TMEM120B: variants seen among roughly 807,000 people sequenced by gnomAD.
TMEM120B encodes transmembrane protein 120B.
In TMEM120B, 31 loss-of-function variants were observed where a neutral mutation model predicts 55.5. That is an observed-to-expected ratio of 0.56 (90% CI 0.42 to 0.75). The LOEUF is 0.75. TMEM120B is among the 30% of genes least tolerant of loss of function. TMEM120B has a pLI of 0.00. For missense variants in TMEM120B, 399 were observed against 425.5 expected (o/e 0.94, Z 0.55); for synonymous variants, 203 against 176.3 (o/e 1.15, Z -1.20).
intron 6 of TMEM120B, among the ~76,000 whole-genome samples, chr12:121,769,203 A>G (rs1414147080): frequency 6.6e-6 from 1 of 150,434 alleles, no homozygotes; most frequent in African/African-American, 2.4e-5. Flanking sequence ...GGGAGTGCTG[A>G]GTTCTGGAAA....
Position 121,712,920 on chromosome 12 carries a change from G to C in TMEM120B, c.25G>C (p.Glu9Gln), listed in dbSNP as rs770195718. The C allele has an allele frequency of 7.8e-6, 12 of 1,534,658 alleles. No homozygotes were observed. In the East Asian group the frequency reaches 2.2e-4, roughly 28 times the overall value. Residue 9 changes from glutamate (E) to glutamine (Q), a missense_variant, in exon 1 of 12, where the codon GAG becomes CAG. Physicochemically the swap from Glu to Gln is conservative, Grantham distance 29. Around this residue, in one of 3 missense-constraint regions of TMEM120B, gnomAD observed 6 missense variants for 17.6 expected, o/e 0.34. Coordinates refer to ENST00000449592, the MANE Select transcript of TMEM120B (RefSeq NM_001080825.2). MSGQLERC[E>Q]REWHELEGEF... ...CATGTCCGGGCAGCTGGAGCGTTGCGAGCGCGAATGGCACGAGCTGGAGGG... is the reference window on the plus strand; with the variant it reads ...CATGTCCGGGCAGCTGGAGCGTTGCCAGCGCGAATGGCACGAGCTGGAGGG...
intron 1 of TMEM120B, among the ~76,000 whole-genome samples, chr12:121,726,240 G>T (rs1894888540): frequency 6.6e-6 from 1 of 151,962 alleles, no homozygotes; most frequent in Admixed American, 6.6e-5. Context: ...TTATTAAAAT[G>T]GGTGAATTGT....
At chr12:121,733,679 A>G (rs1895047424) in intron 1 of TMEM120B, among the ~76,000 whole-genome samples, 2 of 151,824 alleles carry the variant, frequency 1.3e-5, no homozygotes, top group African/African-American at 4.8e-5. Context: ...CTGGGATTAC[A>G]GGTGTGCACC....
rs752714309 is a variant in TMEM120B at position 121,775,703 on chromosome 12, G to GC, written c.1002dup (p.Lys335GlnfsTer56). 6.2e-7 allele frequency: 1 copy of GC among 1,613,970 alleles called. No homozygotes were observed. Among genetic ancestry groups the GC allele is most frequent in the East Asian group, 2.2e-5 (1 of 44,874 alleles). ...CATGCCAAGCTCCAGAAGAACAGAGGCAAGACAAAGCAGCCGTGAGCCTCG... is the reference window on the plus strand; with the variant it reads ...CATGCCAAGCTCCAGAAGAACAGAGGCCAAGACAAAGCAGCCGTGAGCCTCG... On this transcript the variant is annotated frameshift_variant, in exon 12 of 12. Coordinates refer to ENST00000449592, the MANE Select transcript of TMEM120B (RefSeq NM_001080825.2). LOFTEE classifies it high-confidence loss of function. This position sits in a 1 kb window ranked among gnomAD's most constrained non-coding sequence, Gnocchi z 4.3.
At chr12:121,722,942 G>A (rs1277119815) in intron 1 of TMEM120B, among the ~76,000 whole-genome samples, 4 of 149,446 alleles carry the variant, frequency 2.7e-5, no homozygotes, top group Non-Finnish European at 4.4e-5. Context: ...TCCGCCTCCC[G>A]GGTTCAAGCA....
chr12:121,747,217 AGTTGAGATGGGGAACTGCG>A (rs1191272508), intron 2 of TMEM120B, among the ~76,000 whole-genome samples: 1 of 152,000 alleles, frequency 6.6e-6, no homozygotes, highest in South Asian at 2.1e-4. Context: ...CAACCCCGAG[AGTTGAGATGGGGAACTGCG>A]GTTGCGAGAG....
At chr12:121,760,355 C>T (rs1302422236) in intron 5 of TMEM120B, among the ~76,000 whole-genome samples, 2 of 150,366 alleles carry the variant, frequency 1.3e-5, no homozygotes, top group African/African-American at 5.0e-5. Context: ...TCTTGGAGGA[C>T]AAGTGTGCGG....
chr12:121,772,079 T>TTCTCTTTCTCTCTCTCTCTCTTTC (rs1300643469), intron 8 of TMEM120B, among the ~76,000 whole-genome samples: 1 of 140,404 alleles, frequency 7.1e-6, no homozygotes, highest in East Asian at 2.0e-4. Flanking sequence ...TTTTCTTTCT[T>TTCTCTTTCTCTCTCTCTCTCTTTC]TCTCTTTCTC....
intron 5 of TMEM120B, chr12:121,758,142 C>T (rs2137259910): frequency 1.0e-6 from 1 of 984,788 alleles, no homozygotes; most frequent in Non-Finnish European, 1.2e-6. Context: ...TTTGTCAGTG[C>T]CTCCTCAGAC....
intron 1 of TMEM120B, among the ~76,000 whole-genome samples, chr12:121,715,505 G>C (rs1259122526): frequency 6.6e-6 from 1 of 152,158 alleles, no homozygotes; most frequent in African/African-American, 2.4e-5. Flanking sequence ...AAGGGATTGG[G>C]AATCAATTCT....
intron 5 of TMEM120B, among the ~76,000 whole-genome samples, chr12:121,754,171 T>G (rs965967064): frequency 6.6e-6 from 1 of 152,272 alleles, no homozygotes; most frequent in African/African-American, 2.4e-5. Context: ...CCTGGGCCCG[T>G]GCTCGCCTGC....
At chr12:121,773,695 A>C (rs75130332) in intron 9 of TMEM120B, among the ~76,000 whole-genome samples, 182 bp downstream of exon 9, 4 of 152,270 alleles carry the variant, frequency 2.6e-5, no homozygotes, top group Non-Finnish European at 5.9e-5. Context: ...GGCCAGCTGC[A>C]TACCAGGCCC....
intron 6 of TMEM120B, among the ~76,000 whole-genome samples, chr12:121,769,798 G>C (rs1873975893): frequency 6.6e-6 from 1 of 152,052 alleles, no homozygotes; most frequent in Non-Finnish European, 1.5e-5. Flanking sequence ...GTCACAGATA[G>C]ACTGGTGAAC....
intron 6 of TMEM120B, among the ~76,000 whole-genome samples, chr12:121,770,622 A>G (rs538783548): frequency 1.3e-5 from 2 of 151,964 alleles, no homozygotes; most frequent in Admixed American, 1.3e-4. Context: ...GGAGGACAGG[A>G]GTGAGGCTTG....
At chr12:121,735,185 C>CAAAA (rs377589219) in intron 1 of TMEM120B, among the ~76,000 whole-genome samples, 4 of 66,874 alleles carry the variant, frequency 6.0e-5, no homozygotes, top group Admixed American at 1.9e-4. Flanking sequence ...GACTCTGTCT[C>CAAAA]AAAAAAAAAA....
intron 1 of TMEM120B, among the ~76,000 whole-genome samples, chr12:121,734,555 G>A (rs907655680): frequency 6.6e-6 from 1 of 151,940 alleles, no homozygotes; most frequent in Non-Finnish European, 1.5e-5. Context: ...ACCACGCCTG[G>A]CCATGAAAGT....
intron 1 of TMEM120B, among the ~76,000 whole-genome samples, chr12:121,735,196 A>AC (rs1192073234): frequency 5.3e-5 from 8 of 150,870 alleles, no homozygotes; most frequent in African/African-American, 1.7e-4. Flanking sequence ...AAAAAAAAAA[A>AC]AAAACAAAAA....
intron 1 of TMEM120B, among the ~76,000 whole-genome samples, chr12:121,721,462 A>C (rs948471090): frequency 1.3e-5 from 2 of 148,674 alleles, no homozygotes; most frequent in African/African-American, 5.0e-5. Flanking sequence ...TATAGGTATG[A>C]GTGCCTGGTC....
At position 121,767,863 on chromosome 12, in the gene TMEM120B, G is replaced by T. The variant is rs139409291; in HGVS notation, c.552-3044G>T. 1.2e-3 allele frequency among the ~76,000 whole-genome samples: 184 copies of T among 152,334 alleles called. 2 individuals are homozygous for T. In the East Asian group the frequency reaches 0.033, roughly 27 times the overall value. The stretch of plus-strand genomic sequence containing the variant: ...GAAATGAAAAGCTGCTGCTCAGTCA[G>T]GCTTGTTGCCTGGAGTCTGTGTCTG... On this transcript the variant is annotated intron_variant, in intron 6 of 11. Transcript: ENST00000449592.
Sources: allele counts gnomAD v4.1 joint callset (sites outside exome capture counted in the v4.1 genomes callset), GRCh38; gene constraint gnomAD v4.1.1; regional missense constraint gnomAD v4.1.1; non-coding constraint Gnocchi (gnomAD v3.1); transcripts MANE v1.5; gene names NCBI Gene and HGNC (gene_info 2026-07-23, HGNC 2026-07-21).